The following CDH15 variants were observed in gnomAD, a reference collection of about 807,000 sequenced individuals.
CDH15 encodes the protein cadherin-15.
CDH15 carries 73 observed loss-of-function variants against 69.4 expected under a neutral mutation model. The observed-to-expected ratio is 1.05, with a 90% CI of 0.87 to 1.28. The LOEUF is 1.28. Among genes scored for constraint, CDH15 ranks in the 50% most tolerant of loss-of-function variants. CDH15 has a pLI of 0.00. For synonymous variants in CDH15, 624 were observed against 507.7 expected (o/e 1.23, Z -3.08); for missense variants, 1,343 against 1,133.6 (o/e 1.18, Z -2.65).
At position 89,195,075 on chromosome 16, in the gene CDH15, G is replaced by C; in HGVS notation, c.2365G>C (p.Gly789Arg). ...TGGGCACCCGTGCGGGTTGGAGTAC[G>C]GGGCCAGATGGGACCACCAGGCCAG... is the stretch of plus-strand genomic sequence containing the variant. Reference protein sequence around the residue: ...MYGHPCGLEYGARWDHQAREG... With the variant: ...MYGHPCGLEYRARWDHQAREG... Residue 789 changes from glycine (G) to arginine (R), a missense_variant, in exon 14 of 14, where the codon GGG becomes CGG. Coordinates refer to ENST00000289746, the MANE Select transcript of CDH15 (RefSeq NM_004933.3). 1.2e-6 allele frequency: 2 copies of C among 1,612,030 alleles called. No homozygotes were observed. The highest frequency in any genetic ancestry group is 1.7e-4 in the Middle Eastern group (1 of 6,004).
intron 1 of CDH15, among the ~76,000 whole-genome samples, chr16:89,177,211 C>T (rs560304654): frequency 2.9e-4 from 43 of 149,478 alleles, no homozygotes; most frequent in African/African-American, 1.1e-3. Context: ...GGGTCTCTCA[C>T]CCCCACAGCC....
intron 7 of CDH15, among the ~76,000 whole-genome samples, chr16:89,188,504 A>ACG: frequency 6.7e-6 from 1 of 148,560 alleles, no homozygotes; most frequent in African/African-American, 2.5e-5. Flanking sequence ...AGATGCCGGC[A>ACG]CACACAGATG....
intron 1 of CDH15, among the ~76,000 whole-genome samples, chr16:89,174,806 C>T (rs1253815926): frequency 6.6e-6 from 1 of 152,094 alleles, no homozygotes; most frequent in African/African-American, 2.4e-5. Flanking sequence ...GAGGAGTGGA[C>T]GAGTGTCCAC....
chr16:89,185,557 G>A (rs141655805), intron 5 of CDH15: 78 of 618,302 alleles, frequency 1.3e-4, no homozygotes, highest in African/African-American at 7.4e-4. Context: ...CAAGTAGGGC[G>A]TGAGGGGCCC....
chr16:89,172,229 C>G (rs1416494961), intron 1 of CDH15, among the ~76,000 whole-genome samples: 1 of 151,952 alleles, frequency 6.6e-6, no homozygotes. Flanking sequence ...GAGGGGGGAG[C>G]GGCAGGAGTG....
In CDH15 at chr16:89,192,342, G is replaced by T. The variant is rs762727801; in HGVS notation, c.1753G>T (p.Asp585Tyr). Residue 585 changes from aspartate to tyrosine, a missense_variant, in exon 11 of 14, where the codon GAC becomes TAC. By Grantham distance (160) the Asp-to-Tyr change is radical (BLOSUM62 -3). Transcript: ENST00000289746. ...LNVTVCRCGK[D>Y]GVCLPGAAAL... ...CGTGACCGTGTGCCGCTGCGGCAAG[G>T]ACGGCGTCTGCCTGCCGGGGGCCGC... The T allele has an allele frequency of 6.5e-7, 1 of 1,535,958 alleles. No homozygotes were observed. The highest frequency in any genetic ancestry group is 1.2e-5 in the South Asian group (1 of 84,190).
At chr16:89,181,812 G>A (rs1291915235) in intron 3 of CDH15, among the ~76,000 whole-genome samples, 1 of 151,654 alleles carries the variant, frequency 6.6e-6, no homozygotes, top group African/African-American at 2.4e-5. Context: ...TCTAGCGTGC[G>A]CCTGTAGTCC....
Position 89,191,560 on chromosome 16 carries a change from C to T in CDH15, c.1375+88C>T, listed in dbSNP as rs941848682. On this transcript the variant is annotated intron_variant, in intron 9 of 13. Coordinates refer to ENST00000289746, the MANE Select transcript of CDH15 (RefSeq NM_004933.3). ...CAGTGTCGGAGGGCTCTGCCCATGTCGCCCGGGGGCTCAGAGCTGCGCACC... is the reference window on the plus strand; with the variant it reads ...CAGTGTCGGAGGGCTCTGCCCATGTTGCCCGGGGGCTCAGAGCTGCGCACC... The T allele has an allele frequency of 7.6e-6, 12 of 1,584,500 alleles. 1 individual carries two copies. In the Admixed American group the frequency reaches 8.8e-5, roughly 12 times the overall value.
At chr16:89,171,967 C>T in intron 1 of CDH15, 94 bp downstream of exon 1, 2 of 1,347,486 alleles carry the variant, frequency 1.5e-6, no homozygotes, top group South Asian at 2.5e-5. Flanking sequence ...CCCCCAGAAC[C>T]ACTGGCCCTG....
chr16:89,179,554 C>T lies in CDH15; in HGVS notation c.181C>T (p.Leu61Phe). Residue 61 changes from leucine (L) to phenylalanine (F), a missense_variant, in exon 2 of 14, where the codon CTC (leucine) becomes TTC (phenylalanine). Coordinates refer to ENST00000289746, the MANE Select transcript of CDH15 (RefSeq NM_004933.3). ...PISVSENHKR[L>F]PYPLVQIKSD... Reference sequence around the variant, plus strand: ...CAGCGTATCCGAGAACCACAAGCGTCTCCCCTACCCCCTGGTTCAGGTGAG... The same window carrying T: ...CAGCGTATCCGAGAACCACAAGCGTTTCCCCTACCCCCTGGTTCAGGTGAG... 1 of 1,598,456 alleles carries T rather than the reference C, an allele frequency of 6.3e-7. No individual in the cohort carries two copies. Among genetic ancestry groups the T allele is most frequent in the Non-Finnish European group, 8.5e-7 (1 of 1,170,732 alleles).
rs923271789 is a variant in CDH15 at position 89,193,568 on chromosome 16, C to G, written c.1954C>G (p.Leu652Val). 6.2e-7 allele frequency: 1 copy of G among 1,609,724 alleles called. No homozygotes were observed. The highest frequency in any genetic ancestry group is 1.7e-5 in the Admixed American group (1 of 59,606). ...GPQDDLRDNV[L>V]NYDEQGGGEE... ...CCAGGACGACCTTCGAGACAATGTC[C>G]TCAACTACGATGAGCAAGGAGGCGG... Residue 652 changes from leucine to valine, a missense_variant, in exon 12 of 14, where the codon CTC (leucine) becomes GTC (valine). Leu to Val is a conservative substitution (Grantham distance 32, BLOSUM62 1). Coordinates refer to ENST00000289746, the MANE Select transcript of CDH15 (RefSeq NM_004933.3).
chr16:89,185,217 G>A lies in CDH15; in HGVS notation c.547G>A (p.Glu183Lys), dbSNP rs770205344. Reference protein sequence around the residue: ...RAEATDADDPETDNAALRFSI... With the variant: ...RAEATDADDPKTDNAALRFSI... ...AGAGGCCACAGATGCCGACGACCCC[G>A]AGACGGACAACGCAGCGCTGCGGTT... The change falls in exon 5 of 14, where the codon GAG becomes AAG. Residue 183 changes from glutamate to lysine, a missense_variant. Coordinates refer to ENST00000289746, the MANE Select transcript of CDH15 (RefSeq NM_004933.3). The A allele has an allele frequency of 2.2e-5, 36 of 1,605,690 alleles. No homozygotes were observed. The South Asian group carries it at 2.8e-4, about 12-fold the overall frequency.
At position 89,193,592 on chromosome 16, in the gene CDH15, G is replaced by A. The variant is rs779837176; in HGVS notation, c.1978G>A (p.Gly660Arg). The change falls in exon 12 of 14, where the codon GGG (glycine) becomes AGG (arginine). Residue 660 changes from glycine to arginine, a missense_variant. By Grantham distance (125) the Gly-to-Arg change is moderately radical. Coordinates refer to ENST00000289746, the MANE Select transcript of CDH15 (RefSeq NM_004933.3). Reference protein sequence around the residue: ...NVLNYDEQGGGEEDQDAYDIS... With the variant: ...NVLNYDEQGGREEDQDAYDIS... ...CCTCAACTACGATGAGCAAGGAGGC[G>A]GGGAGGAGGACCAGGTGAGGGGGCA... The A allele has an allele frequency of 1.7e-5, 27 of 1,600,434 alleles. No individual in the cohort carries two copies. The highest frequency in any genetic ancestry group is 9.4e-5 in the African/African-American group (7 of 74,712).
intron 4 of CDH15, 130 bp from the exon 5 acceptor site, chr16:89,185,043 T>A (rs751423394): frequency 1.6e-4 from 134 of 837,878 alleles, no homozygotes; most frequent in Non-Finnish European, 2.4e-4. Context: ...ATGGACTGAC[T>A]GCCCCATCTG....
In CDH15 at chr16:89,191,836, C is replaced by G. The variant is rs767200449; in HGVS notation, c.1557C>G (p.Phe519Leu). The G allele has an allele frequency of 2.5e-6, 4 of 1,603,026 alleles. No homozygotes were observed. Among genetic ancestry groups the G allele is most frequent in the Middle Eastern group, 3.3e-4 (2 of 6,022 alleles). Residue 519 changes from phenylalanine (F) to leucine (L), a missense_variant, in exon 10 of 14, where the codon TTC becomes TTG. Coordinates refer to ENST00000289746, the MANE Select transcript of CDH15 (RefSeq NM_004933.3). Reference sequence around the variant, plus strand: ...CCCCCCACGGGGCCCCCTTCCACTTCCAGCTGAGCCCCAGGCTCCCAGAGC... The same window carrying G: ...CCCCCCACGGGGCCCCCTTCCACTTGCAGCTGAGCCCCAGGCTCCCAGAGC... The part of the protein sequence containing the change: ...DLPPHGAPFH[F>L]QLSPRLPELG...
In CDH15 at chr16:89,179,524, C is replaced by G. The variant is rs1398397019; in HGVS notation, c.151C>G (p.Pro51Ala). The G allele has an allele frequency of 1.9e-6, 3 of 1,612,380 alleles. No homozygotes were observed. The South Asian group carries it at 3.3e-5, about 18-fold the overall frequency. The part of the protein sequence containing the change: ...SRVRRAWVIP[P>A]ISVSENHKRL... ...CGTGCGGAGGGCCTGGGTCATCCCC[C>G]CGATCAGCGTATCCGAGAACCACAA... Residue 51 changes from proline (P) to alanine (A), a missense_variant, in exon 2 of 14, where the codon CCG (proline) becomes GCG (alanine). By Grantham distance (27) the Pro-to-Ala change is conservative (BLOSUM62 -1). Transcript: ENST00000289746.
intron 13 of CDH15, among the ~76,000 whole-genome samples, chr16:89,194,345 C>G (rs959977001): frequency 6.6e-6 from 1 of 152,238 alleles, no homozygotes; most frequent in Non-Finnish European, 1.5e-5. Flanking sequence ...GTGGGGCGCA[C>G]AGGGAACCCT....
chr16:89,180,121 G>A (rs1025982338), intron 2 of CDH15, 79 bp from the exon 3 acceptor site: 6 of 1,501,206 alleles, frequency 4.0e-6, no homozygotes. Context: ...GTCAGCTGGG[G>A]AGGGGCCTGA....
chr16:89,175,373 CG>C (rs1915236858), intron 1 of CDH15, among the ~76,000 whole-genome samples: 1 of 152,186 alleles, frequency 6.6e-6, no homozygotes, highest in Non-Finnish European at 1.5e-5. Flanking sequence ...AGCCCAAGGC[CG>C]GTGTGGCTCT....
Sources: allele counts gnomAD v4.1 joint callset (sites outside exome capture counted in the v4.1 genomes callset), GRCh38; gene constraint gnomAD v4.1.1; transcripts MANE v1.5; gene names NCBI Gene and HGNC (gene_info 2026-07-23, HGNC 2026-07-21).